The following LARGE1 variants were observed in gnomAD, a reference collection of about 807,000 sequenced individuals.
LARGE1 encodes the protein xylosyl- and glucuronyltransferase LARGE1.
Under a neutral mutation model 87.6 loss-of-function variants are expected in LARGE1, and 43 were observed. That is an observed-to-expected ratio of 0.49 (90% confidence interval 0.38 to 0.63). The LOEUF is 0.63. Ranked by LOEUF, LARGE1 falls within the 30% of genes least tolerant of loss-of-function variation. The pLI, the probability that LARGE1 is intolerant of heterozygous loss-of-function variation, is 0.00. For missense variants in LARGE1, 802 were observed against 1,000.2 expected, an observed-to-expected ratio of 0.80 and a Z score of 2.67; for synonymous variants, 434 against 394.6, an observed-to-expected ratio of 1.10 and a Z score of -1.18.
intron 2 of LARGE1, among the ~76,000 whole-genome samples, chr22:33,662,205 T>C (rs1016750019): frequency 1.3e-5 from 2 of 152,012 alleles, no homozygotes; most frequent in African/African-American, 2.4e-5. Context: ...TTCTTTAGGC[T>C]ATGCGTCAGG....
intron 9 of LARGE1, among the ~76,000 whole-genome samples, chr22:33,356,790 A>AAAAG (rs1176098199): frequency 6.6e-6 from 1 of 152,170 alleles, no homozygotes; most frequent in Non-Finnish European, 1.5e-5. Flanking sequence ...AGAAAAAAAG[A>AAAAG]AAAGAAAGAA....
chr22:33,478,259 A>C (rs1442080302), intron 6 of LARGE1, among the ~76,000 whole-genome samples: 1 of 152,196 alleles, frequency 6.6e-6, no homozygotes, highest in Non-Finnish European at 1.5e-5. Context: ...GCCCTGAGCC[A>C]CTGTGTGCCT....
At chr22:33,598,324 T>G (rs2079031972) in intron 5 of LARGE1, among the ~76,000 whole-genome samples, 2 of 152,198 alleles carry the variant, frequency 1.3e-5, no homozygotes, top group Admixed American at 1.3e-4. Context: ...AGAGGTGTTG[T>G]TGAGAAACAG....
intron 11 of LARGE1, among the ~76,000 whole-genome samples, chr22:33,221,169 A>G (rs915548981): frequency 4.0e-5 from 6 of 148,992 alleles, no homozygotes; most frequent in African/African-American, 1.3e-4. Flanking sequence ...CGTTGTTAAA[A>G]AGAGAGAGAG....
rs1389622636 is a variant in LARGE1, at chr22:33,211,433, A to T, written c.1731-44601T>A. Among the ~76,000 whole-genome samples the T allele has an allele frequency of 3.9e-5, 6 of 152,312 alleles. No homozygotes were observed. In the South Asian group the frequency reaches 1.2e-3, roughly 32 times the overall value. ...GCCAAAAGCTAGGCCTCTTGTCCCA[A>T]ACAGCCTAGCTGTGAACACAAAGGA... On this transcript the variant is annotated intron_variant, in intron 11 of 11. Coordinates refer to the LARGE1 transcript ENST00000608642.
At chr22:33,155,528 T>A in the LARGE1 span, among the ~76,000 whole-genome samples, 1 of 152,070 alleles carries the variant, frequency 6.6e-6, no homozygotes, top group Non-Finnish European at 1.5e-5. Flanking sequence ...TGATCTAGGG[T>A]TTCTGGTGGA....
At chr22:33,916,223 G>A (rs994906126) in intron 1 of LARGE1, among the ~76,000 whole-genome samples, 3 of 152,090 alleles carry the variant, frequency 2.0e-5, no homozygotes, top group Non-Finnish European at 4.4e-5. Flanking sequence ...GGAGGTTGCA[G>A]TGAGCTAAGA....
intron 1 of LARGE1, among the ~76,000 whole-genome samples, chr22:33,837,865 A>G (rs915759963): frequency 2.0e-5 from 3 of 152,234 alleles, no homozygotes; most frequent in Admixed American, 2.0e-4. Context: ...CATTTTCCAC[A>G]AAGTTTCAGG....
At chr22:33,217,117 G>T (rs759302038) in intron 11 of LARGE1, among the ~76,000 whole-genome samples, 2 of 151,884 alleles carry the variant, frequency 1.3e-5, no homozygotes, top group Admixed American at 6.6e-5. Context: ...TGCAAATGAA[G>T]CTCTCCCACA....
At chr22:33,832,338 G>A (rs964797273) in intron 1 of LARGE1, among the ~76,000 whole-genome samples, 4 of 152,208 alleles carry the variant, frequency 2.6e-5, no homozygotes, top group Admixed American at 6.5e-5. Flanking sequence ...GAGGTACCCT[G>A]TGAGCTCTGT....
At chr22:33,314,706 A>C (rs1935965122) in intron 11 of LARGE1, among the ~76,000 whole-genome samples, 2 of 152,016 alleles carry the variant, frequency 1.3e-5, no homozygotes, top group Admixed American at 1.3e-4. Context: ...CTTCCTTCCT[A>C]ATTGTAGGAG....
intron 5 of LARGE1, among the ~76,000 whole-genome samples, chr22:33,591,886 C>T (rs1032433347): frequency 1.3e-4 from 19 of 146,986 alleles, no homozygotes; most frequent in African/African-American, 3.0e-4. Flanking sequence ...ATTAGCCAGG[C>T]GTGATAGCAT....
Position 33,863,847 on chromosome 22 carries a change from A to G in LARGE1, c.-83+56148T>C, listed in dbSNP as rs561532200. Among the ~76,000 whole-genome samples, 7 of 152,262 alleles carry G rather than the reference A, an allele frequency of 4.6e-5. No homozygotes were observed. The South Asian group carries it at 1.5e-3, about 32-fold the overall frequency. ...AACTGTGGTTCCTGAACTGGAAGAC[A>G]CTAAAAGTAACCCAGGGTTTTGAGG... On this transcript the variant is annotated intron_variant, in intron 1 of 14. Transcript: ENST00000397394.
At chr22:33,538,084 A>G (rs530564795) in intron 6 of LARGE1, among the ~76,000 whole-genome samples, 6 of 152,238 alleles carry the variant, frequency 3.9e-5, no homozygotes, top group African/African-American at 1.4e-4. Context: ...TGCCTCAAAC[A>G]GCTCCTGCAG....
chr22:33,443,396 C>T (rs531559318), intron 6 of LARGE1, among the ~76,000 whole-genome samples: 1 of 152,266 alleles, frequency 6.6e-6, no homozygotes, highest in Admixed American at 6.5e-5. Flanking sequence ...AAAGGGTGGT[C>T]GAAGTGCATG....
chr22:33,421,018 T>A (rs927775159), intron 7 of LARGE1, among the ~76,000 whole-genome samples: 1 of 151,968 alleles, frequency 6.6e-6, no homozygotes, highest in Non-Finnish European at 1.5e-5. Context: ...TGAAACCCCA[T>A]CTCTACCAAA....
intron 2 of LARGE1, 110 bp downstream of exon 2, chr22:33,761,261 T>G: frequency 1.1e-6 from 1 of 909,076 alleles, no homozygotes; most frequent in Non-Finnish European, 1.9e-6. Flanking sequence ...TTCCCATGAC[T>G]GGAAATACAT....
At chr22:33,566,123 A>T (rs927604805) in intron 5 of LARGE1, among the ~76,000 whole-genome samples, 3 of 152,244 alleles carry the variant, frequency 2.0e-5, no homozygotes, top group Admixed American at 6.5e-5. Flanking sequence ...TTCTTAAAAA[A>T]ATTCAAATTT....
intron 6 of LARGE1, among the ~76,000 whole-genome samples, chr22:33,514,099 C>T (rs961824180): frequency 1.3e-5 from 2 of 152,288 alleles, no homozygotes; most frequent in African/African-American, 2.4e-5. Context: ...TATAAGTACA[C>T]TCAGTGATGT....
Sources: allele counts gnomAD v4.1 joint callset (sites outside exome capture counted in the v4.1 genomes callset), GRCh38; gene constraint gnomAD v4.1.1; transcripts MANE v1.5; gene names NCBI Gene and HGNC (gene_info 2026-07-23, HGNC 2026-07-21).